NUP214: variants seen among roughly 807,000 people sequenced by gnomAD.
NUP214 encodes nuclear pore complex protein Nup214.
A neutral mutation model predicts 196.2 loss-of-function variants in NUP214; 79 were observed. The observed-to-expected ratio is 0.40, with a 90% CI of 0.34 to 0.49. NUP214 has a LOEUF of 0.49. Among genes scored for constraint, NUP214 ranks in the 20% least tolerant of loss-of-function variants. NUP214 has a pLI of 0.58. For synonymous variants in NUP214, 1,020 were observed against 990.5 expected (o/e 1.03, Z -0.56); for missense variants, 2,468 against 2,539.0 (o/e 0.97, Z 0.60).
In NUP214 at chr9:131,223,727, A is replaced by ATTTTTTTTTTT. The variant is rs529624907; in HGVS notation, c.5902+812_5902+822dup. On this transcript the variant is annotated intron_variant, in intron 32 of 35. Transcript: ENST00000359428. ...TTTTTTTATTTTTATTTATTTATTT[A>ATTTTTTTTTTT]TTTTTTTTTTTTTTTTTTTTTTTTT... is the stretch of plus-strand genomic sequence containing the variant. Among the ~76,000 whole-genome samples, 18 of 15,662 alleles carry ATTTTTTTTTTT rather than the reference A, an allele frequency of 1.1e-3. 3 individuals are homozygous for ATTTTTTTTTTT. The highest frequency in any genetic ancestry group is 5.1e-3 in the South Asian group (1 of 198). The allele number at this position is 15,662 out of a possible 152,430, so 10.3% of individuals were successfully genotyped here.
Position 131,146,429 on chromosome 9 carries a change from A to C in NUP214, c.1945+125A>C. 1.1e-6 allele frequency: 1 copy of C among 886,156 alleles called. No individual in the cohort carries two copies. Among genetic ancestry groups the C allele is most frequent in the East Asian group, 2.4e-5 (1 of 40,834 alleles). The allele number at this position is 886,156 out of a possible 1,614,324, so 54.9% of individuals were successfully genotyped here. ...TTTTTTCTTGCTTCCTGTATCATAC[A>C]TTAATGATTAATGTGCTGTGATTTT... On this transcript the variant is annotated intron_variant, in intron 13 of 35. Transcript: ENST00000359428. The surrounding 1 kb of genome is among the most constrained non-coding windows in gnomAD (Gnocchi z 4.6).
intron 24 of NUP214, among the ~76,000 whole-genome samples, chr9:131,181,641 T>C (rs1023724346): frequency 1.3e-5 from 2 of 152,244 alleles, no homozygotes; most frequent in Admixed American, 6.5e-5. Flanking sequence ...TGGAGAAATA[T>C]CTATTTAGTT....
In NUP214 at chr9:131,132,115, C is replaced by CTTTTTTTTTTTTTTTTTTTTTTT. The variant is rs142450352; in HGVS notation, c.664-478_664-477insTTTTTTTTTTTTTTTTTTTTTTT. 7.4e-5 allele frequency among the ~76,000 whole-genome samples: 8 copies of CTTTTTTTTTTTTTTTTTTTTTTT among 108,180 alleles called. 2 individuals are homozygous for CTTTTTTTTTTTTTTTTTTTTTTT. The highest frequency in any genetic ancestry group is 5.5e-5 in the Non-Finnish European group (3 of 54,830). 71.0% of individuals were successfully genotyped at this position (108,180 alleles called of 152,430 possible). A position where few individuals can be genotyped will look rare whatever the true frequency, so the allele number is the denominator to read the frequency against. ...TGCGTTCATGCGTTTCTTTTCTTTT[C>CTTTTTTTTTTTTTTTTTTTTTTT]TTTCTTTTTTTTTTTTTTTTGGAGA... On this transcript the variant is annotated intron_variant, in intron 5 of 35. Transcript: ENST00000359428.
intron 30 of NUP214, among the ~76,000 whole-genome samples, chr9:131,212,795 A>G (rs1014750810): frequency 1.1e-4 from 17 of 152,100 alleles, no homozygotes; most frequent in Admixed American, 1.0e-3. Context: ...TTTTTTATAG[A>G]TTTATACAGG....
chr9:131,172,935 G>A (rs1833000675), intron 21 of NUP214, among the ~76,000 whole-genome samples: 1 of 152,158 alleles, frequency 6.6e-6, no homozygotes, highest in Non-Finnish European at 1.5e-5. Context: ...CAATATACAG[G>A]AAGTATTCAC....
intron 27 of NUP214, 33 bp downstream of exon 27, chr9:131,192,325 A>G: frequency 8.0e-7 from 1 of 1,255,486 alleles, no homozygotes; most frequent in Non-Finnish European, 1.1e-6. Flanking sequence ...ATGGCAAATT[A>G]CTAGCAATTA....
At chr9:131,200,253 C>T (rs893229673) in intron 29 of NUP214, among the ~76,000 whole-genome samples, 3 of 152,234 alleles carry the variant, frequency 2.0e-5, no homozygotes, top group Non-Finnish European at 4.4e-5. Context: ...TGAGTCTTGT[C>T]TAAGCTCACC....
chr9:131,176,040 G>C (rs530810879), intron 23 of NUP214, among the ~76,000 whole-genome samples: 13 of 152,172 alleles, frequency 8.5e-5, no homozygotes, highest in Non-Finnish European at 1.6e-4. Context: ...TATTTTGGCT[G>C]GGCATAGTGA....
At chr9:131,193,211 C>T (rs1047929124) in intron 27 of NUP214, among the ~76,000 whole-genome samples, 1 of 151,504 alleles carries the variant, frequency 6.6e-6, no homozygotes, top group East Asian at 1.9e-4. Flanking sequence ...CCTGAGCGCT[C>T]ATGTTGAAAC....
Position 131,130,905 on chromosome 9 carries a change from A to G in NUP214, c.663+69A>G, listed in dbSNP as rs142931524. On this transcript the variant is annotated intron_variant, in intron 5 of 35. Coordinates refer to ENST00000359428, the MANE Select transcript of NUP214 (RefSeq NM_005085.4). ...ACTTTTTTGGGGGTGGTTTGGGAGT[A>G]TCTTTCTTGTTTTTCCTATTAAAAA... The G allele has an allele frequency of 8.3e-5, 104 of 1,249,602 alleles. No individual in the cohort carries two copies. The East Asian group carries it at 1.5e-3, about 18-fold the overall frequency. 77.4% of individuals were successfully genotyped at this position (1,249,602 alleles called of 1,614,324 possible).
At chr9:131,218,547 C>G (rs975150815) in intron 31 of NUP214, among the ~76,000 whole-genome samples, 1 of 152,078 alleles carries the variant, frequency 6.6e-6, no homozygotes, top group Admixed American at 6.5e-5. Context: ...CTCTTCTTAT[C>G]TCTACCTTCT....
At chr9:131,178,791 G>C (rs944640091) in intron 24 of NUP214, among the ~76,000 whole-genome samples, 1 of 151,198 alleles carries the variant, frequency 6.6e-6, no homozygotes, top group Admixed American at 6.6e-5. Flanking sequence ...GTAATCTCAA[G>C]GGTGACACTC....
intron 28 of NUP214, among the ~76,000 whole-genome samples, chr9:131,196,443 G>T (rs978515041): frequency 3.3e-5 from 5 of 152,198 alleles, no homozygotes; most frequent in African/African-American, 1.2e-4. Flanking sequence ...TTACAGGTGT[G>T]AGCCACCACG....
chr9:131,125,681 C>G lies in NUP214; in HGVS notation c.-24C>G. On this transcript the variant is annotated 5_prime_UTR_variant, in exon 1 of 36. Transcript: ENST00000359428. This position sits in a 1 kb window ranked among gnomAD's most constrained non-coding sequence, Gnocchi z 4.1. ...AGGCCGTGGGAGGCAGCGTTGGCTG[C>G]TTCGACACACTGAGGGCGGCGCGAT... 2 of 1,548,620 alleles carry G rather than the reference C, an allele frequency of 1.3e-6. No homozygotes were observed. The highest frequency in any genetic ancestry group is 1.7e-6 in the Non-Finnish European group (2 of 1,145,600).
Position 131,216,824 on chromosome 9 carries a change from G to A in NUP214, c.5749+1456G>A, listed in dbSNP as rs374098758. On this transcript the variant is annotated intron_variant, in intron 31 of 35. Coordinates refer to ENST00000359428, the MANE Select transcript of NUP214 (RefSeq NM_005085.4). ...TTACAGGCGTGAGCCACCGTGCTCG[G>A]CCTTAAAAGTTATTTGTTGACCTGT... 9.2e-5 allele frequency among the ~76,000 whole-genome samples: 14 copies of A among 152,314 alleles called. No homozygotes were observed. In the East Asian group the frequency reaches 2.7e-3, roughly 29 times the overall value.
chr9:131,128,115 A>G (rs1831419934), intron 2 of NUP214, among the ~76,000 whole-genome samples: 1 of 152,254 alleles, frequency 6.6e-6, no homozygotes, highest in African/African-American at 2.4e-5. Context: ...CAGCAGCCAC[A>G]GTTAGTTTCC....
At chr9:131,160,205 GT>G (rs1184874896) in intron 18 of NUP214, among the ~76,000 whole-genome samples, 1 of 151,954 alleles carries the variant, frequency 6.6e-6, no homozygotes, top group Admixed American at 6.6e-5. Flanking sequence ...ATTATTAGAT[GT>G]AATATAAAAA....
intron 33 of NUP214, chr9:131,228,604 G>A (rs937567447): frequency 3.0e-6 from 1 of 328,108 alleles, no homozygotes; most frequent in Non-Finnish European, 5.5e-6. Context: ...TCCTGCTGGG[G>A]CTAAAGGAAG....
intron 12 of NUP214, among the ~76,000 whole-genome samples, chr9:131,145,106 T>C (rs1249475924): frequency 6.6e-6 from 1 of 152,134 alleles, no homozygotes; most frequent in Non-Finnish European, 1.5e-5. Flanking sequence ...TAGTCTTTTT[T>C]CCTCCCTGTG....
Sources: allele counts gnomAD v4.1 joint callset (sites outside exome capture counted in the v4.1 genomes callset), GRCh38; gene constraint gnomAD v4.1.1; non-coding constraint Gnocchi (gnomAD v3.1); transcripts MANE v1.5; gene names NCBI Gene and HGNC (gene_info 2026-07-23, HGNC 2026-07-21).